BLMH: variants seen among roughly 807,000 people sequenced by gnomAD.
BLMH encodes bleomycin hydrolase.
In BLMH, 32 loss-of-function variants were observed where a neutral mutation model predicts 61.6. The ratio of observed to expected loss-of-function variants is 0.52; its 90% CI spans 0.39 to 0.70. The LOEUF (loss-of-function observed/expected upper bound fraction) is 0.70. Ranked by LOEUF, BLMH falls within the 30% of genes least tolerant of loss-of-function variation. BLMH has a pLI of 0.00. For missense variants in BLMH, 460 were observed against 555.5 expected, an observed-to-expected ratio of 0.83 and a Z score of 1.73; for synonymous variants, 183 against 193.8, an observed-to-expected ratio of 0.94 and a Z score of 0.46.
chr17:30,255,580 T>C (rs898401933), intron 11 of BLMH, among the ~76,000 whole-genome samples: 7 of 152,204 alleles, frequency 4.6e-5, no homozygotes, highest in Admixed American at 4.6e-4. Context: ...AAAGTGTCTG[T>C]CTGAGAACTC....
chr17:30,280,791 T>C (rs913085271), intron 6 of BLMH, among the ~76,000 whole-genome samples: 3 of 152,190 alleles, frequency 2.0e-5, no homozygotes, highest in Non-Finnish European at 4.4e-5. Flanking sequence ...CCCAACTTTT[T>C]TTAGTTTTAC....
intron 11 of BLMH, chr17:30,249,652 T>C (rs1907619389): frequency 6.5e-6 from 1 of 153,946 alleles, no homozygotes; most frequent in Admixed American, 6.5e-5. Flanking sequence ...CATTCCTTTC[T>C]ATCACACACT....
intron 10 of BLMH, among the ~76,000 whole-genome samples, chr17:30,271,036 A>ATC (rs1451165322): frequency 6.6e-6 from 1 of 152,220 alleles, no homozygotes; most frequent in Non-Finnish European, 1.5e-5. Context: ...TTACAGAAAC[A>ATC]GTTACTTGGT....
At chr17:30,276,960 T>C (rs1450013144) in intron 6 of BLMH, among the ~76,000 whole-genome samples, 1 of 152,232 alleles carries the variant, frequency 6.6e-6, no homozygotes, top group East Asian at 1.9e-4. Flanking sequence ...ATAGAACACA[T>C]TATCTTTTGT....
At chr17:30,250,670 C>T (rs572081082) in intron 11 of BLMH, among the ~76,000 whole-genome samples, 37 of 152,236 alleles carry the variant, frequency 2.4e-4, no homozygotes, top group Non-Finnish European at 2.5e-4. Flanking sequence ...CTAAGGAAAA[C>T]GGTATGGAGA....
At position 30,287,940 on chromosome 17, in the gene BLMH, C is replaced by G; in HGVS notation, c.329G>C (p.Arg110Pro). 6.2e-7 allele frequency: 1 copy of G among 1,612,152 alleles called. No homozygotes were observed. Among genetic ancestry groups the G allele is most frequent in the South Asian group, 1.1e-5 (1 of 90,672 alleles). ...AAAAGCACTCAAGAAGAAATAACAGCGTTCAACCTAAAGAGTAAAGAAAGT... is the reference window on the plus strand; with the variant it reads ...AAAAGCACTCAAGAAGAAATAACAGGGTTCAACCTAAAGAGTAAAGAAAGT... ...SYLFFWDKVE[R>P]CYFFLSAFVD... Residue 110 changes from arginine to proline, a missense_variant, in exon 4 of 12, where the codon CGC becomes CCC. Physicochemically the swap from Arg to Pro is moderately radical, Grantham distance 103 (BLOSUM62 -2). This residue lies in a region of BLMH where 43 missense variants were observed against 38.8 expected (regional missense o/e 1.11). Coordinates refer to ENST00000261714, the MANE Select transcript of BLMH (RefSeq NM_000386.4).
chr17:30,267,122 T>C (rs1908134599), intron 10 of BLMH, among the ~76,000 whole-genome samples, 168 bp from the exon 11 acceptor site: 1 of 152,192 alleles, frequency 6.6e-6, no homozygotes, highest in South Asian at 2.1e-4. Context: ...CAGGGCTATA[T>C]ATTTCCTACG....
chr17:30,291,797 G>A lies in BLMH; in HGVS notation c.13+10C>T, dbSNP rs1908901560. ...CCAGAGGACCGCGGCGGGGGACGGC[G>A]GCACCTCACCCGAGCTGCTCATGGC... is the stretch of plus-strand genomic sequence containing the variant. On this transcript the variant is annotated intron_variant, in intron 1 of 11. Transcript: ENST00000261714. The A allele has an allele frequency of 1.4e-6, 2 of 1,400,368 alleles. No individual in the cohort carries two copies. Among genetic ancestry groups the A allele is most frequent in the African/African-American group, 1.5e-5 (1 of 68,504 alleles). 86.7% of individuals were successfully genotyped at this position (1,400,368 alleles called of 1,614,324 possible).
chr17:30,285,898 T>C (rs778949995), intron 5 of BLMH, among the ~76,000 whole-genome samples: 3 of 151,994 alleles, frequency 2.0e-5, no homozygotes, highest in Non-Finnish European at 4.4e-5. Flanking sequence ...CGGCTGACTA[T>C]GACTATGGTT....
chr17:30,289,315 C>G (rs1368336606), intron 3 of BLMH, 58 bp downstream of exon 3: 2 of 1,088,082 alleles, frequency 1.8e-6, no homozygotes, highest in Non-Finnish European at 2.6e-6. Flanking sequence ...AAAGAAGAGG[C>G]AGTCCCTACC....
chr17:30,291,414 C>T lies in BLMH; in HGVS notation c.108G>A (p.Leu36=), dbSNP rs769484978. ...LAQNVGTTHD[L]LDICLKRATV... ...TGGCCCGCTTCAGACAGATGTCCAG[C>T]AGGTCGTGGGTGGTCCCGACATTCT... Residue 36 remains leucine (L), a synonymous_variant, in exon 2 of 12, where the codon CTG becomes CTA. Transcript: ENST00000261714. 1 of 1,614,190 alleles carries T rather than the reference C, an allele frequency of 6.2e-7. No individual in the cohort carries two copies. Among genetic ancestry groups the T allele is most frequent in the Non-Finnish European group, 8.5e-7 (1 of 1,180,038 alleles).
chr17:30,271,256 T>C lies in BLMH; in HGVS notation c.1146+15A>G. 6.4e-7 allele frequency: 1 copy of C among 1,570,362 alleles called. No homozygotes were observed. Among genetic ancestry groups the C allele is most frequent in the Non-Finnish European group, 8.8e-7 (1 of 1,140,308 alleles). ...ATCTGTGCAAACACTCCAGCAGGCA[T>C]GCTGAGGGTCATACCTTCTCTGAGA... is the stretch of plus-strand genomic sequence containing the variant. On this transcript the variant is annotated intron_variant, in intron 10 of 11. Transcript: ENST00000261714.
At chr17:30,253,046 C>CA (rs1179132522) in intron 11 of BLMH, among the ~76,000 whole-genome samples, 1 of 152,170 alleles carries the variant, frequency 6.6e-6, no homozygotes, top group Non-Finnish European at 1.5e-5. Flanking sequence ...GAGCTTTCAG[C>CA]AAGCAGGAGA....
chr17:30,288,923 T>G (rs1312751432), intron 3 of BLMH, among the ~76,000 whole-genome samples: 5 of 152,074 alleles, frequency 3.3e-5, no homozygotes, highest in Admixed American at 6.6e-5. Context: ...GCCGAGACTG[T>G]GCCACAGCCC....
At chr17:30,283,995 A>G (rs1018780628) in intron 6 of BLMH, among the ~76,000 whole-genome samples, 1 of 152,188 alleles carries the variant, frequency 6.6e-6, no homozygotes, top group African/African-American at 2.4e-5. Flanking sequence ...AAATCCAATA[A>G]GGAAAATATT....
intron 10 of BLMH, among the ~76,000 whole-genome samples, chr17:30,269,113 CTTTAG>C (rs566910450): frequency 1.5e-4 from 23 of 150,538 alleles, no homozygotes; most frequent in East Asian, 5.8e-4. Flanking sequence ...ATTTAAAGAA[CTTTAG>C]TTTAGTTATA....
chr17:30,277,476 C>T (rs1457791918), intron 6 of BLMH, among the ~76,000 whole-genome samples: 1 of 152,166 alleles, frequency 6.6e-6, no homozygotes, highest in Non-Finnish European at 1.5e-5. Context: ...TTTTAAAGAC[C>T]TAAATGATGT....
Position 30,256,835 on chromosome 17 carries a change from G to A in BLMH, c.1217-7667C>T, listed in dbSNP as rs1166096175. Reference sequence around the variant, plus strand: ...AGGCCTTGGCATAGTCCCCAACTATGAAACAGATAATTTCAACAGATAATT... The same window carrying A: ...AGGCCTTGGCATAGTCCCCAACTATAAAACAGATAATTTCAACAGATAATT... On this transcript the variant is annotated intron_variant, in intron 11 of 11. Coordinates refer to ENST00000261714, the MANE Select transcript of BLMH (RefSeq NM_000386.4). Among the ~76,000 whole-genome samples, 5 of 152,108 alleles carry A rather than the reference G, an allele frequency of 3.3e-5. No individual in the cohort carries two copies. In the South Asian group the frequency reaches 8.3e-4, roughly 25 times the overall value.
rs373607429 is a variant in BLMH, at chr17:30,291,324, G to A, written c.198C>T (p.Asn66=). Residue 66 remains asparagine, a synonymous_variant, in exon 2 of 12, where the codon AAC becomes AAT. Coordinates refer to ENST00000261714, the MANE Select transcript of BLMH (RefSeq NM_000386.4). ...GGAAGCCCACACCTGAGCTCTTCTG[G>A]TTGGTGATTGGCTTGCCCTCCTGGG... ...AVPQEGKPIT[N]QKSSGRCWIF... 13 of 1,612,490 alleles carry A rather than the reference G, an allele frequency of 8.1e-6. No homozygotes were observed. Among genetic ancestry groups the A allele is most frequent in the Middle Eastern group, 1.7e-4 (1 of 5,746 alleles).
Sources: gnomAD v4.1 joint callset for allele counts (sites outside exome capture counted in the v4.1 genomes callset) on GRCh38, gnomAD v4.1.1 for gene constraint, gnomAD v4.1.1 regional missense constraint, MANE v1.5 for transcripts, NCBI Gene and HGNC (gene_info 2026-07-23, HGNC 2026-07-21) for gene names.